Variants in NAV3 observed in about 807,000 individuals in gnomAD.
The protein encoded by NAV3 is neuron navigator 3.
Under a neutral mutation model 244.7 loss-of-function variants are expected in NAV3, and 87 were observed. The ratio of observed to expected loss-of-function variants is 0.36; its 90% CI spans 0.30 to 0.42. NAV3 has a LOEUF of 0.42. Ranked by LOEUF, NAV3 falls within the 20% of genes least tolerant of loss-of-function variation. The pLI is 1.00. For missense variants in NAV3, 2,663 were observed against 2,893.3 expected, an observed-to-expected ratio of 0.92 and a Z score of 1.83; for synonymous variants, 1,126 against 1,042.2, an observed-to-expected ratio of 1.08 and a Z score of -1.55.
intron 34 of NAV3, among the ~76,000 whole-genome samples, chr12:78,194,105 G>C (rs1307284507): frequency 1.3e-5 from 2 of 151,890 alleles, no homozygotes; most frequent in Non-Finnish European, 2.9e-5. Context: ...GGCTTGACTT[G>C]TGTGGTTGAC....
At chr12:77,998,518 G>A (rs759438743) in intron 7 of NAV3, 42 bp downstream of exon 7, 2 of 1,558,192 alleles carry the variant, frequency 1.3e-6, no homozygotes, top group African/African-American at 2.8e-5. Context: ...TCCAACATGA[G>A]TCTTGTGAAT....
At chr12:77,742,428 T>C (rs1165990607) in intron 2 of NAV3, among the ~76,000 whole-genome samples, 2 of 152,096 alleles carry the variant, frequency 1.3e-5, no homozygotes, top group Admixed American at 1.3e-4. Context: ...CAGATTGTTT[T>C]GACAAATACA....
chr12:77,811,879 T>G (rs1322600471), intron 2 of NAV3, among the ~76,000 whole-genome samples: 1 of 152,220 alleles, frequency 6.6e-6, no homozygotes, highest in African/African-American at 2.4e-5. Context: ...ACATTCACAA[T>G]ATTGTGAATT....
At chr12:78,202,447 AG>A (rs1959812402) in intron 38 of NAV3, among the ~76,000 whole-genome samples, 1 of 152,062 alleles carries the variant, frequency 6.6e-6, no homozygotes, top group Non-Finnish European at 1.5e-5. Flanking sequence ...TAGCATCCTT[AG>A]GTCTTATTTC....
At chr12:78,003,498 T>C (rs551739342) in intron 7 of NAV3, among the ~76,000 whole-genome samples, 75 of 152,358 alleles carry the variant, frequency 4.9e-4, no homozygotes, top group African/African-American at 1.7e-3. Flanking sequence ...ATTTCAGAGT[T>C]GGAACCTAGT....
At chr12:78,096,315 C>A (rs1667020085) in intron 12 of NAV3, among the ~76,000 whole-genome samples, 1 of 152,142 alleles carries the variant, frequency 6.6e-6, no homozygotes, top group African/African-American at 2.4e-5. Flanking sequence ...TTATATCATT[C>A]ATTCTGGCAG....
chr12:77,848,504 A>C (rs1876990266), intron 1 of NAV3, among the ~76,000 whole-genome samples: 1 of 152,204 alleles, frequency 6.6e-6, no homozygotes, highest in Non-Finnish European at 1.5e-5. Flanking sequence ...TAATGGGAAA[A>C]ATCTATGAGA....
At chr12:77,895,955 T>TAAAAA (rs755975061) in intron 1 of NAV3, among the ~76,000 whole-genome samples, 3 of 104,584 alleles carry the variant, frequency 2.9e-5, no homozygotes, top group Admixed American at 1.0e-4. Context: ...CAATTTCCAG[T>TAAAAA]AAAAAAAAAA....
intron 5 of NAV3, among the ~76,000 whole-genome samples, chr12:77,971,851 A>T (rs947884438): frequency 6.6e-6 from 1 of 152,166 alleles, no homozygotes; most frequent in African/African-American, 2.4e-5. Flanking sequence ...CAGTTCAGTG[A>T]AAGTGTTTCT....
Position 77,688,329 on chromosome 12 carries a change from A to G in NAV3, c.72+116063A>G, listed in dbSNP as rs1317007799. Among the ~76,000 whole-genome samples the G allele has an allele frequency of 2.6e-5, 4 of 152,066 alleles. No homozygotes were observed. In the South Asian group the frequency reaches 6.2e-4, roughly 24 times the overall value. On this transcript the variant is annotated intron_variant, in intron 2 of 8. Coordinates refer to the NAV3 transcript ENST00000550042. ...CCCCTGACCCCCTAGATTAGGTTAG[A>G]CATGCTTACTATATGTACACATTCT...
intron 2 of NAV3, among the ~76,000 whole-genome samples, chr12:77,620,320 G>A (rs1871319179): frequency 6.6e-6 from 1 of 152,144 alleles, no homozygotes; most frequent in Non-Finnish European, 1.5e-5. Flanking sequence ...CTCAATAAAT[G>A]TAATAGTTTT....
intron 39 of NAV3, among the ~76,000 whole-genome samples, chr12:78,208,986 G>A (rs928901012): frequency 6.6e-6 from 1 of 152,114 alleles, no homozygotes; most frequent in African/African-American, 2.4e-5. Flanking sequence ...AGAGAGAGGA[G>A]AGTGGGAGAG....
At chr12:77,771,921 A>C (rs954618751) in intron 2 of NAV3, among the ~76,000 whole-genome samples, 67 of 17,144 alleles carry the variant, frequency 3.9e-3, no homozygotes, top group African/African-American at 4.2e-3. Context: ...ATAATAATAA[A>C]AAAATTAAAA....
chr12:78,145,243 T>C (rs1201380161), intron 20 of NAV3: 1 of 157,808 alleles, frequency 6.3e-6, no homozygotes, highest in Non-Finnish European at 1.4e-5. Context: ...TTAGCCACTT[T>C]ATTATTTAGC....
rs376083929 is a variant in NAV3, at chr12:78,185,503, T to C, written c.5693-98T>C. On this transcript the variant is annotated intron_variant, in intron 30 of 39. Coordinates refer to ENST00000397909, the MANE Select transcript of NAV3 (RefSeq NM_001024383.2). ...AGGCTAGAATGGGAAGCAAATCCCA[T>C]TGAAAGATATAAAACTATGAGGGAG... The C allele has an allele frequency of 6.0e-5, 62 of 1,030,054 alleles. 1 individual carries two copies. The highest frequency in any genetic ancestry group is 3.8e-4 in the East Asian group (14 of 37,038). The allele number at this position is 1,030,054 out of a possible 1,614,324, so 63.8% of individuals were successfully genotyped here.
intron 2 of NAV3, among the ~76,000 whole-genome samples, chr12:77,670,412 A>G (rs1489021288): frequency 6.6e-6 from 1 of 152,084 alleles, no homozygotes; most frequent in Non-Finnish European, 1.5e-5. Context: ...CACAAGATAA[A>G]GTGGGAATCC....
At chr12:77,593,463 A>G (rs1870010025) in intron 2 of NAV3, among the ~76,000 whole-genome samples, 1 of 149,600 alleles carries the variant, frequency 6.7e-6, no homozygotes, top group Admixed American at 6.6e-5. Flanking sequence ...TATTTTATTT[A>G]TTTTTTAGAC....
intron 26 of NAV3, 108 bp from the exon 27 acceptor site, chr12:78,177,033 A>G: frequency 9.6e-7 from 1 of 1,040,910 alleles, no homozygotes; most frequent in Non-Finnish European, 1.5e-6. Context: ...CTGCTTGTAC[A>G]TACTGACCCC....
At chr12:77,572,745 A>C (rs555207680) in intron 2 of NAV3, among the ~76,000 whole-genome samples, 1 of 152,382 alleles carries the variant, frequency 6.6e-6, no homozygotes, top group East Asian at 1.9e-4. Flanking sequence ...CCTGGAAAGA[A>C]AGTTGTGAGA....
Sources: allele counts gnomAD v4.1 joint callset (sites outside exome capture counted in the v4.1 genomes callset), GRCh38; gene constraint gnomAD v4.1.1; transcripts MANE v1.5; gene names NCBI Gene and HGNC (gene_info 2026-07-23, HGNC 2026-07-21).